The following STK3 variants were observed in gnomAD, a reference collection of about 807,000 sequenced individuals.
The protein encoded by STK3 is serine/threonine kinase 3.
STK3 carries 41 observed loss-of-function variants against 58.0 expected under a neutral mutation model. The observed-to-expected ratio is 0.71, with a 90% CI of 0.55 to 0.92. The LOEUF (loss-of-function observed/expected upper bound fraction) is 0.92. Ranked by LOEUF, STK3 falls within the 40% of genes least tolerant of loss-of-function variation. The pLI is 0.00. For synonymous variants in STK3, 170 were observed against 191.0 expected, an observed-to-expected ratio of 0.89 and a Z score of 0.91; for missense variants, 479 against 602.7, an observed-to-expected ratio of 0.79 and a Z score of 2.15.
intron 1 of STK3, among the ~76,000 whole-genome samples, chr8:98,810,020 G>A (rs984180898): frequency 6.6e-6 from 1 of 152,152 alleles, no homozygotes; most frequent in South Asian, 2.1e-4. Context: ...GGCAAAGGGG[G>A]AGTAGCACTT....
intron 6 of STK3, among the ~76,000 whole-genome samples, chr8:98,672,148 A>T (rs1822877385): frequency 6.6e-6 from 1 of 152,016 alleles, no homozygotes; most frequent in African/African-American, 2.4e-5. Context: ...GGTCTCTCAA[A>T]CTTGCCCAGG....
At chr8:98,354,100 G>A in the STK3 span, among the ~76,000 whole-genome samples, 4 of 152,238 alleles carry the variant, frequency 2.6e-5, no homozygotes, top group South Asian at 4.1e-4. Flanking sequence ...ATTCATTTAT[G>A]GAAAGCCCCC....
chr8:98,441,848 C>T (rs1818708990), intron 1 of STK3, among the ~76,000 whole-genome samples: 3 of 152,142 alleles, frequency 2.0e-5, no homozygotes, highest in African/African-American at 2.4e-5. Context: ...GCACAGCTCC[C>T]GTGGGCCTTT....
chr8:98,675,612 C>T (rs541013741), intron 6 of STK3, among the ~76,000 whole-genome samples: 15 of 152,066 alleles, frequency 9.9e-5, no homozygotes, highest in African/African-American at 3.4e-4. Context: ...CCTGTAATCT[C>T]AGCACTTTGG....
intron 3 of STK3, among the ~76,000 whole-genome samples, chr8:98,840,644 TTATA>T (rs1835947697): frequency 7.2e-6 from 1 of 138,974 alleles, no homozygotes; most frequent in South Asian, 2.3e-4. Flanking sequence ...CACATACGTT[TTATA>T]TATATTTATA....
intron 3 of STK3, among the ~76,000 whole-genome samples, chr8:98,840,270 C>T (rs1446201730): frequency 6.6e-6 from 1 of 150,702 alleles, no homozygotes; most frequent in East Asian, 1.9e-4. Context: ...TCACTTGAAC[C>T]CAGTAGGTGG....
chr8:98,648,569 G>A (rs986263370), intron 6 of STK3, among the ~76,000 whole-genome samples: 3 of 152,154 alleles, frequency 2.0e-5, no homozygotes, highest in East Asian at 3.9e-4. Context: ...AATATTGAGT[G>A]GAGCCATAAC....
chr8:98,529,610 G>C (rs962613288), intron 9 of STK3, among the ~76,000 whole-genome samples: 2 of 152,182 alleles, frequency 1.3e-5, no homozygotes, highest in African/African-American at 4.8e-5. Context: ...GTCTTGAAGA[G>C]ATAACTGTAA....
rs1167496979 is a variant in STK3, at chr8:98,454,675, A to G, written c.*1167T>C. 2 of 152,660 alleles carry G rather than the reference A, an allele frequency of 1.3e-5. No homozygotes were observed. The highest frequency in any genetic ancestry group is 2.9e-5 in the Non-Finnish European group (2 of 68,042). The allele number at this position is 152,660 out of a possible 1,614,324, so 9.5% of individuals were successfully genotyped here. On this transcript the variant is annotated 3_prime_UTR_variant, in exon 11 of 11. Coordinates refer to ENST00000419617, the MANE Select transcript of STK3 (RefSeq NM_006281.4). ...AAATTTATTTGTCTTTATGATTTAC[A>G]CATAATAATTAAACACACAAAAGAA...
chr8:98,512,749 G>T (rs1026951506), intron 10 of STK3, among the ~76,000 whole-genome samples: 14 of 152,112 alleles, frequency 9.2e-5, no homozygotes, highest in Non-Finnish European at 1.3e-4. Context: ...AGACATTGCT[G>T]TTCAATAAAA....
intron 8 of STK3, among the ~76,000 whole-genome samples, chr8:98,572,634 A>T (rs117305569): frequency 6.6e-6 from 1 of 152,330 alleles, no homozygotes; most frequent in East Asian, 1.9e-4. Flanking sequence ...GCAATGTAGG[A>T]TATACATTTA....
intron 4 of STK3, among the ~76,000 whole-genome samples, chr8:98,742,736 T>A (rs1426978993): frequency 6.6e-6 from 1 of 151,590 alleles, no homozygotes; most frequent in African/African-American, 2.4e-5. Flanking sequence ...CCAGGGCAAT[T>A]AGGCAGGAGA....
chr8:98,658,589 C>G (rs1011279735), intron 6 of STK3, among the ~76,000 whole-genome samples: 2 of 151,952 alleles, frequency 1.3e-5, no homozygotes, highest in African/African-American at 4.8e-5. Context: ...TTCTTTCTTT[C>G]CTTGCTCTTT....
chr8:98,805,318 G>A (rs1304445218), intron 1 of STK3, among the ~76,000 whole-genome samples: 53 of 152,138 alleles, frequency 3.5e-4, no homozygotes, highest in East Asian at 1.9e-4. Flanking sequence ...GGTGGCTCAC[G>A]CCTGTAATCC....
chr8:98,829,157 G>T (rs1212304236), upstream of STK3, among the ~76,000 whole-genome samples: 1 of 152,172 alleles, frequency 6.6e-6, no homozygotes, highest in East Asian at 1.9e-4. Flanking sequence ...CTTCCTGTGA[G>T]GTGACCTAGG....
downstream of STK3, among the ~76,000 whole-genome samples, chr8:98,401,020 G>A (rs1329816186): frequency 6.6e-6 from 1 of 152,108 alleles, no homozygotes; most frequent in East Asian, 1.9e-4. Flanking sequence ...CTGATGGAGT[G>A]CATATAATTG....
At chr8:98,502,034 T>C (rs1439771495) in intron 10 of STK3, among the ~76,000 whole-genome samples, 1 of 152,236 alleles carries the variant, frequency 6.6e-6, no homozygotes, top group Non-Finnish European at 1.5e-5. Flanking sequence ...CTCCTATCCA[T>C]GAGCAAGGAA....
chr8:98,871,199 C>G lies in STK3; in HGVS notation c.110+12448G>C, dbSNP rs1486189651. On this transcript the variant is annotated intron_variant, in intron 3 of 12. Transcript: ENST00000523601. ...GAGGGCTCTATTCTGTTCCATTGGT[C>G]CATATCTCTGTTTTGGTACCAGTAC... 2.6e-5 allele frequency among the ~76,000 whole-genome samples: 4 copies of G among 152,124 alleles called. No homozygotes were observed. In the East Asian group the frequency reaches 7.7e-4, roughly 29 times the overall value.
chr8:98,350,437 T>C, the STK3 span, among the ~76,000 whole-genome samples: 1 of 152,226 alleles, frequency 6.6e-6, no homozygotes, highest in Non-Finnish European at 1.5e-5. Flanking sequence ...CCCTCCAAAC[T>C]GTTCCAAACT....
Sources: allele counts gnomAD v4.1 joint callset (sites outside exome capture counted in the v4.1 genomes callset), GRCh38; gene constraint gnomAD v4.1.1; transcripts MANE v1.5; gene names NCBI Gene and HGNC (gene_info 2026-07-23, HGNC 2026-07-21).